Variants in AFG2A observed in about 807,000 individuals in gnomAD.
The protein encoded by AFG2A is AAA ATPase AFG2A, also known as ATPase family gene 2 protein homolog A.
the AFG2A span, among the ~76,000 whole-genome samples, chr4:123,079,056 G>A: frequency 6.6e-6 from 1 of 152,126 alleles, no homozygotes; most frequent in South Asian, 2.1e-4. Context: ...GGAATGAGGG[G>A]TTCTCTTTCT....
the AFG2A span, among the ~76,000 whole-genome samples, chr4:123,258,745 A>G: frequency 2.6e-5 from 4 of 151,902 alleles, no homozygotes; most frequent in Non-Finnish European, 5.9e-5. Context: ...GAGACGAGGA[A>G]TTTCCTGGCA....
the AFG2A span, among the ~76,000 whole-genome samples, chr4:123,151,582 C>T: frequency 5.3e-5 from 8 of 152,254 alleles, no homozygotes; most frequent in South Asian, 1.7e-3. Flanking sequence ...CAATGAGATA[C>T]CATCTCTCAC....
chr4:123,146,415 T>C, the AFG2A span, among the ~76,000 whole-genome samples: 1 of 152,094 alleles, frequency 6.6e-6, no homozygotes, highest in African/African-American at 2.4e-5. Flanking sequence ...CTCCAGGTAA[T>C]ATTAGTCTTT....
the AFG2A span, among the ~76,000 whole-genome samples, chr4:123,227,088 G>C: frequency 6.6e-6 from 1 of 151,970 alleles, no homozygotes; most frequent in Non-Finnish European, 1.5e-5. Context: ...GCATCTATTT[G>C]ATTCTTCTCT....
the AFG2A span, among the ~76,000 whole-genome samples, chr4:122,959,257 C>G: frequency 6.6e-6 from 1 of 152,164 alleles, no homozygotes; most frequent in Non-Finnish European, 1.5e-5. Flanking sequence ...TGCGTTTCCT[C>G]CCAGAAGTTT....
At chr4:123,248,403 C>T in the AFG2A span, among the ~76,000 whole-genome samples, 150 of 152,252 alleles carry the variant, frequency 9.9e-4, no homozygotes, top group Middle Eastern at 3.4e-3. Flanking sequence ...ATTATGAAAT[C>T]GTATTCCTGG....
the AFG2A span, among the ~76,000 whole-genome samples, chr4:123,235,661 G>A: frequency 6.6e-6 from 1 of 152,190 alleles, no homozygotes; most frequent in African/African-American, 2.4e-5. Context: ...CCTGAGAGAT[G>A]TCAAATAAAT....
chr4:122,929,026 C>A, the AFG2A span: 2 of 1,609,166 alleles, frequency 1.2e-6, no homozygotes, highest in Non-Finnish European at 1.7e-6. Flanking sequence ...ATTTTTATTT[C>A]CTCTGTCTGG....
chr4:123,309,298 C>A, the AFG2A span, among the ~76,000 whole-genome samples: 2 of 152,174 alleles, frequency 1.3e-5, no homozygotes, highest in African/African-American at 4.8e-5. Context: ...AGTCCAGGAT[C>A]AAGGTGCCAA....
the AFG2A span, among the ~76,000 whole-genome samples, chr4:122,985,750 A>AT: frequency 0.021 from 2,762 of 129,932 alleles, 80 homozygotes; most frequent in African/African-American, 0.073. Flanking sequence ...TATCTTTTGT[A>AT]TTTTTTTTTT....
At chr4:122,979,208 T>C in the AFG2A span, 1 of 1,608,164 alleles carries the variant, frequency 6.2e-7, no homozygotes. Flanking sequence ...AGACAAATCT[T>C]GTGTTACTTT....
chr4:123,244,870 A>G, the AFG2A span, among the ~76,000 whole-genome samples: 3 of 92,914 alleles, frequency 3.2e-5, no homozygotes, highest in Non-Finnish European at 8.1e-5. Flanking sequence ...TTTCTTTTAA[A>G]TTGGGAAAAA....
At chr4:123,056,360 C>G in the AFG2A span, 1 of 1,597,850 alleles carries the variant, frequency 6.3e-7, no homozygotes, top group Non-Finnish European at 8.5e-7. Context: ...TATAAAGACA[C>G]TGAACAGTTG....
the AFG2A span, among the ~76,000 whole-genome samples, chr4:123,010,576 A>G: frequency 6.6e-6 from 1 of 151,082 alleles, no homozygotes; most frequent in African/African-American, 2.4e-5. Context: ...TTAGATATTA[A>G]AACCTTTACC....
the AFG2A span, chr4:123,318,505 G>A: frequency 6.6e-6 from 1 of 152,146 alleles, no homozygotes; most frequent in South Asian, 2.1e-4. Context: ...TTTTACAAAA[G>A]TACTAGTAAA....
chr4:123,213,943 A>C, the AFG2A span, among the ~76,000 whole-genome samples: 1 of 152,204 alleles, frequency 6.6e-6, no homozygotes, highest in Non-Finnish European at 1.5e-5. Flanking sequence ...CTTAATAACA[A>C]ATAGAAATCT....
At chr4:123,001,583 G>T in the AFG2A span, among the ~76,000 whole-genome samples, 1 of 151,446 alleles carries the variant, frequency 6.6e-6, no homozygotes, top group African/African-American at 2.4e-5. Flanking sequence ...TTCAGGAGCA[G>T]GTTGTTCAGT....
chr4:123,247,220 C>T, the AFG2A span, among the ~76,000 whole-genome samples: 11 of 93,828 alleles, frequency 1.2e-4, no homozygotes, highest in East Asian at 2.2e-3. Context: ...TGCTTACTTG[C>T]GTGCGTGTGT....
the AFG2A span, among the ~76,000 whole-genome samples, chr4:123,045,075 GT>G: frequency 8.6e-5 from 13 of 151,588 alleles, 1 homozygote; most frequent in Non-Finnish European, 1.9e-4. Flanking sequence ...TACGATACCT[GT>G]TTTTAAGATC....
Sources: allele counts gnomAD v4.1 joint callset (sites outside exome capture counted in the v4.1 genomes callset), GRCh38; gene constraint gnomAD v4.1.1; transcripts MANE v1.5; gene names NCBI Gene and HGNC (gene_info 2026-07-23, HGNC 2026-07-21).